HPSE2: variants seen among roughly 807,000 people sequenced by gnomAD.
HPSE2 encodes the protein heparanase 2 (inactive).
Under a neutral mutation model 60.5 loss-of-function variants are expected in HPSE2, and 38 were observed. The observed-to-expected ratio is 0.63, with a 90% CI of 0.48 to 0.82. The LOEUF (loss-of-function observed/expected upper bound fraction) is 0.82, where lower values mean the gene tolerates loss of function less well. HPSE2 is among the 40% of genes least tolerant of loss of function. The probability of loss-of-function intolerance (pLI) is 0.00; values close to 1 mark genes in which losing one functional copy is unlikely to be tolerated. For missense variants in HPSE2, 713 were observed against 740.4 expected, an observed-to-expected ratio of 0.96 and a Z score of 0.43; for synonymous variants, 295 against 293.2, an observed-to-expected ratio of 1.01 and a Z score of -0.06.
At chr10:98,558,625 G>C (rs1195612522) in intron 9 of HPSE2, among the ~76,000 whole-genome samples, 1 of 152,166 alleles carries the variant, frequency 6.6e-6, no homozygotes, top group Non-Finnish European at 1.5e-5. Context: ...GGGAGAACAT[G>C]GGGAGGGGAA....
At chr10:98,590,594 A>G (rs1945063622) in intron 9 of HPSE2, among the ~76,000 whole-genome samples, 2 of 152,232 alleles carry the variant, frequency 1.3e-5, no homozygotes, top group Admixed American at 6.5e-5. Flanking sequence ...TTATCTGTTG[A>G]TAGACATGTC....
intron 3 of HPSE2, among the ~76,000 whole-genome samples, chr10:99,093,402 C>T (rs1178477335): frequency 8.6e-5 from 13 of 151,930 alleles, no homozygotes; most frequent in African/African-American, 1.5e-4. Context: ...TTTACATTCA[C>T]GTGGTTTACG....
At chr10:99,125,107 C>G (rs1009933545) in intron 3 of HPSE2, among the ~76,000 whole-genome samples, 2 of 152,204 alleles carry the variant, frequency 1.3e-5, no homozygotes, top group Non-Finnish European at 2.9e-5. Flanking sequence ...CCCATGCCCC[C>G]AATCAGGCAG....
At chr10:98,672,963 G>A (rs1299352218) in intron 6 of HPSE2, among the ~76,000 whole-genome samples, 1 of 152,158 alleles carries the variant, frequency 6.6e-6, no homozygotes, top group East Asian at 1.9e-4. Context: ...AGAAATTGGG[G>A]ATGACTTTGA....
chr10:99,043,323 A>G (rs1957784136), intron 3 of HPSE2, among the ~76,000 whole-genome samples: 1 of 152,028 alleles, frequency 6.6e-6, no homozygotes, highest in African/African-American at 2.4e-5. Context: ...TCTCTACTAA[A>G]AATACAAAAA....
At chr10:98,724,487 G>A (rs1269486136) in intron 4 of HPSE2, among the ~76,000 whole-genome samples, 1 of 152,136 alleles carries the variant, frequency 6.6e-6, no homozygotes, top group African/African-American at 2.4e-5. Context: ...AGGTCCACTT[G>A]GTGCAGAGCT....
intron 3 of HPSE2, among the ~76,000 whole-genome samples, chr10:99,053,103 G>A (rs1031122282): frequency 6.6e-6 from 1 of 150,426 alleles, no homozygotes. Flanking sequence ...AAATGGTTAT[G>A]ATCATAAATT....
chr10:99,236,638 G>C (rs140075353), upstream of HPSE2, among the ~76,000 whole-genome samples: 20 of 152,292 alleles, frequency 1.3e-4, no homozygotes, highest in East Asian at 3.1e-3. Flanking sequence ...AGGGCAAAGA[G>C]TAGCAAGAAG....
At chr10:98,510,281 C>T (rs1037934343) in intron 9 of HPSE2, among the ~76,000 whole-genome samples, 10 of 152,206 alleles carry the variant, frequency 6.6e-5, no homozygotes, top group Admixed American at 4.6e-4. Context: ...AGCTCTCTTT[C>T]AGTCATACCC....
chr10:99,001,234 A>G (rs1268039137), intron 3 of HPSE2, among the ~76,000 whole-genome samples: 2 of 152,122 alleles, frequency 1.3e-5, no homozygotes, highest in Admixed American at 6.5e-5. Context: ...TTAAACCACT[A>G]TGAAGCCTTA....
At chr10:98,911,685 T>A (rs1398473006) in intron 3 of HPSE2, among the ~76,000 whole-genome samples, 1 of 152,148 alleles carries the variant, frequency 6.6e-6, no homozygotes, top group Non-Finnish European at 1.5e-5. Context: ...CTAGACTTCA[T>A]TGTTTAGGCA....
intron 9 of HPSE2, among the ~76,000 whole-genome samples, chr10:98,533,978 C>T (rs1452686120): frequency 6.6e-6 from 1 of 152,116 alleles, no homozygotes; most frequent in African/African-American, 2.4e-5. Context: ...AACAACTGTG[C>T]TTGTTGTTTT....
At chr10:98,593,150 G>T (rs1178068088) in intron 9 of HPSE2, among the ~76,000 whole-genome samples, 1 of 152,134 alleles carries the variant, frequency 6.6e-6, no homozygotes, top group Non-Finnish European at 1.5e-5. Flanking sequence ...AGGAAAAATT[G>T]ATCCATCTAT....
At chr10:98,726,066 A>T (rs1161274946) in intron 4 of HPSE2, among the ~76,000 whole-genome samples, 1 of 152,212 alleles carries the variant, frequency 6.6e-6, no homozygotes, top group Non-Finnish European at 1.5e-5. Context: ...CCATTGTGGA[A>T]GTTGGTGTGG....
At position 99,070,733 on chromosome 10, in the gene HPSE2, AT is replaced by A. The variant is rs990570901; in HGVS notation, c.610+73504del. On this transcript the variant is annotated intron_variant, in intron 3 of 11. Coordinates refer to ENST00000370552, the MANE Select transcript of HPSE2 (RefSeq NM_021828.5). ...TCCATTGGTTTGGCTATTTTAGATA[AT>A]TTGTACATGTGGAATAATACAGTAT... Among the ~76,000 whole-genome samples the A allele has an allele frequency of 3.7e-4, 56 of 152,174 alleles. 1 individual carries two copies. The highest frequency in any genetic ancestry group is 1.3e-4 in the Non-Finnish European group (9 of 68,030).
At chr10:99,227,307 A>G (rs970695794) in intron 2 of HPSE2, among the ~76,000 whole-genome samples, 15 of 152,088 alleles carry the variant, frequency 9.9e-5, no homozygotes, top group South Asian at 2.1e-4. Flanking sequence ...AGTTGTGAAA[A>G]GGCACTGTTA....
intron 3 of HPSE2, among the ~76,000 whole-genome samples, chr10:99,050,953 G>A (rs777410443): frequency 7.0e-5 from 10 of 142,572 alleles, no homozygotes; most frequent in Admixed American, 1.4e-4. Context: ...TGATTCAATC[G>A]TGTGTGTGTG....
At chr10:98,964,114 A>T (rs901340114) in intron 3 of HPSE2, among the ~76,000 whole-genome samples, 4 of 152,208 alleles carry the variant, frequency 2.6e-5, no homozygotes, top group Middle Eastern at 3.4e-3. Context: ...AGTTTTCCTC[A>T]CTCCAGAGCC....
chr10:99,227,409 T>A (rs1442107877), intron 2 of HPSE2, among the ~76,000 whole-genome samples: 1 of 152,060 alleles, frequency 6.6e-6, no homozygotes, highest in African/African-American at 2.4e-5. Flanking sequence ...TACAATTTTT[T>A]AAAATGTAGT....
Sources: gnomAD v4.1 joint callset for allele counts (sites outside exome capture counted in the v4.1 genomes callset) on GRCh38, gnomAD v4.1.1 for gene constraint, MANE v1.5 for transcripts, NCBI Gene and HGNC (gene_info 2026-07-23, HGNC 2026-07-21) for gene names.